FUNDC2: variants seen among roughly 807,000 people sequenced by gnomAD.
FUNDC2 encodes FUN14 domain containing 2, also known as FUN14 domain-containing protein 2.
A neutral mutation model predicts 15.6 loss-of-function variants in FUNDC2; 4 were observed. That is an observed-to-expected ratio of 0.26 (90% confidence interval 0.13 to 0.59). FUNDC2 has a LOEUF of 0.59. Among genes scored for constraint, FUNDC2 ranks in the 20% least tolerant of loss-of-function variants. The pLI, the probability that FUNDC2 is intolerant of heterozygous loss-of-function variation, is 0.90. For missense variants in FUNDC2, 98 were observed against 149.7 expected (o/e 0.65, Z 1.80); for synonymous variants, 44 against 56.9 (o/e 0.77, Z 1.02).
intron 2 of FUNDC2, 146 bp from the exon 3 acceptor site, chrX:155,046,363 A>G: frequency 2.0e-6 from 1 of 506,276 alleles, no homozygotes; most frequent in Non-Finnish European, 3.6e-6. Flanking sequence ...TCCTTATGTC[A>G]TGCTCCTCTT....
In FUNDC2 at chrX:155,032,734, G is replaced by A. The variant is rs782643195; in HGVS notation, c.134-669G>A. Among the ~76,000 whole-genome samples, 9 of 112,268 alleles carry A rather than the reference G, an allele frequency of 8.0e-5. No individual in the cohort carries two copies. The East Asian group carries it at 1.4e-3, about 17-fold the overall frequency. On this transcript the variant is annotated intron_variant, in intron 1 of 4. Coordinates refer to ENST00000369498, the MANE Select transcript of FUNDC2 (RefSeq NM_023934.4). ...ATCTTCATTATCACTGGAGATCCAC[G>A]TAGTACTTAGAAAATTTGTGGATTA...
At chrX:155,044,978 G>A (rs2073858006) in intron 2 of FUNDC2, among the ~76,000 whole-genome samples, 1 of 111,852 alleles carries the variant, frequency 8.9e-6, no homozygotes, top group African/African-American at 3.2e-5. Flanking sequence ...ATCAATGGAT[G>A]AATGGATAGA....
intron 1 of FUNDC2, among the ~76,000 whole-genome samples, chrX:155,031,571 C>T (rs966173465): frequency 8.9e-6 from 1 of 112,677 alleles, no homozygotes; most frequent in Admixed American, 9.3e-5. Flanking sequence ...TTCAAGTGAT[C>T]CGTCCCCCAG....
chrX:155,056,228 A>G lies in FUNDC2; in HGVS notation c.*1556A>G, dbSNP rs1386030323. 3.6e-5 allele frequency: 4 copies of G among 112,197 alleles called. No homozygotes were observed. The highest frequency in any genetic ancestry group is 9.4e-5 in the Admixed American group (1 of 10,596). 9.2% of individuals were successfully genotyped at this position (112,197 alleles called of 1,213,427 possible). On this transcript the variant is annotated 3_prime_UTR_variant, in exon 5 of 5. Transcript: ENST00000369498. ...CCTGTGTATCTATCACTCACTCACA[A>G]CAATCATCAAATTATAGCTCTGCTG...
intron 3 of FUNDC2, chrX:155,047,094 A>G (rs2073865186): frequency 4.2e-6 from 1 of 239,045 alleles, no homozygotes. Context: ...AAGACTTGAA[A>G]AAGGGAGCAG....
At chrX:155,047,009 G>A in intron 3 of FUNDC2, 1 of 212,350 alleles carries the variant, frequency 4.7e-6, no homozygotes, top group Non-Finnish European at 8.8e-6. Context: ...GATGTCGTCT[G>A]CTGTCTCCTT....
chrX:155,051,490 G>A (rs937350584), intron 3 of FUNDC2, 180 bp from the exon 4 acceptor site: 16 of 444,673 alleles, frequency 3.6e-5, no homozygotes, highest in Non-Finnish European at 6.3e-5. Context: ...CCAGGCATAT[G>A]GCTTCGCATA....
chrX:155,041,609 G>A, intron 2 of FUNDC2, among the ~76,000 whole-genome samples: 1 of 110,530 alleles, frequency 9.0e-6, no homozygotes, highest in Middle Eastern at 4.7e-3. Context: ...AGATCACTTA[G>A]TGTAGAATTC....
intron 3 of FUNDC2, chrX:155,050,577 C>A (rs781966167): frequency 2.7e-5 from 3 of 112,072 alleles, no homozygotes; most frequent in Non-Finnish European, 5.6e-5. Context: ...GTAATTTGTT[C>A]TTTTTAGTAC....
At chrX:155,032,432 AC>A (rs2073818782) in intron 1 of FUNDC2, among the ~76,000 whole-genome samples, 1 of 104,677 alleles carries the variant, frequency 9.6e-6, no homozygotes, top group African/African-American at 3.5e-5. Context: ...ATGTGCCACC[AC>A]CCCCGGCTAA....
chrX:155,051,684 T>G lies in FUNDC2; in HGVS notation c.375T>G (p.Thr125=), dbSNP rs1557290503. ...TGATACTGTAGCTTGCAAACCATACTGGGTACATCAAAGTTGACTGGCAAC... is the reference window on the plus strand; with the variant it reads ...TGATACTGTAGCTTGCAAACCATACGGGGTACATCAAAGTTGACTGGCAAC... ...GFFLLQLANH[T]GYIKVDWQRV... is the part of the protein sequence containing the mutation. The change falls in exon 4 of 5, where the codon ACT becomes ACG. Residue 125 remains threonine (T), a synonymous_variant. Coordinates refer to ENST00000369498, the MANE Select transcript of FUNDC2 (RefSeq NM_023934.4). 9.9e-6 allele frequency: 12 copies of G among 1,210,771 alleles called. No individual in the cohort carries two copies. The highest frequency in any genetic ancestry group is 1.3e-5 in the Non-Finnish European group (12 of 894,500).
intron 1 of FUNDC2, among the ~76,000 whole-genome samples, chrX:155,029,802 A>G (rs1480295893): frequency 1.8e-5 from 2 of 110,246 alleles, no homozygotes; most frequent in Non-Finnish European, 3.8e-5. Context: ...TTTAATTGAG[A>G]TTGTATTGAA....
chrX:155,040,658 AT>A (rs1557289484), intron 2 of FUNDC2, among the ~76,000 whole-genome samples: 1 of 111,586 alleles, frequency 9.0e-6, no homozygotes, highest in Non-Finnish European at 1.9e-5. Flanking sequence ...GGGTATAAGT[AT>A]TTTTTCAATA....
At chrX:155,040,160 TA>T (rs1557289425) in intron 2 of FUNDC2, among the ~76,000 whole-genome samples, 2 of 112,230 alleles carry the variant, frequency 1.8e-5, no homozygotes, top group African/African-American at 6.5e-5. Context: ...TATTTAATCG[TA>T]CATATATAAC....
In FUNDC2 at chrX:155,038,867, G is replaced by A. The variant is rs143474806; in HGVS notation, c.284+5314G>A. Reference sequence around the variant, plus strand: ...ATCCTTTGGCTGTATACCCAGTAGTGTGATTGCTGAATCATATGTTATTAG... The same window carrying A: ...ATCCTTTGGCTGTATACCCAGTAGTATGATTGCTGAATCATATGTTATTAG... On this transcript the variant is annotated intron_variant, in intron 2 of 4. Coordinates refer to ENST00000369498, the MANE Select transcript of FUNDC2 (RefSeq NM_023934.4). 1.9e-3 allele frequency among the ~76,000 whole-genome samples: 209 copies of A among 112,333 alleles called. 1 individual carries two copies. Among genetic ancestry groups the A allele is most frequent in the Middle Eastern group, 0.019 (4 of 215 alleles).
Position 155,059,629 on chromosome X carries a change from GTTAAA to G in FUNDC2, c.*4962_*4966del, listed in dbSNP as rs1557291430. 1.8e-5 allele frequency: 2 copies of G among 111,641 alleles called. No individual in the cohort carries two copies. Among genetic ancestry groups the G allele is most frequent in the Non-Finnish European group, 3.8e-5 (2 of 53,103 alleles). The allele number at this position is 111,641 out of a possible 1,213,427, so 9.2% of individuals were successfully genotyped here. A position where few individuals can be genotyped will look rare whatever the true frequency, so the allele number is the denominator to read the frequency against. On this transcript the variant is annotated 3_prime_UTR_variant, in exon 5 of 5. Transcript: ENST00000369498. Reference sequence around the variant, plus strand: ...ATAATAATACCTAAGAATAAGAAGAGTTAAATTAATGTCTTCAAATGGATTTGTTG... The same window carrying G: ...ATAATAATACCTAAGAATAAGAAGAGTTAATGTCTTCAAATGGATTTGTTG...
rs192805515 is a variant in FUNDC2, at chrX:155,034,541, C to G, written c.284+988C>G. On this transcript the variant is annotated intron_variant, in intron 2 of 4. Transcript: ENST00000369498. The stretch of plus-strand genomic sequence containing the variant: ...CTGTAGGGTCTGTACCTAGAAATTG[C>G]TAGGTAATGGGTATAGGTATCTTCA... Among the ~76,000 whole-genome samples the G allele has an allele frequency of 3.9e-3, 439 of 111,581 alleles. 1 individual carries two copies. The highest frequency in any genetic ancestry group is 0.014 in the Middle Eastern group (3 of 217).
Position 155,042,374 on chromosome X carries a change from A to G in FUNDC2, c.285-4135A>G, listed in dbSNP as rs1243894830. Among the ~76,000 whole-genome samples, 3 of 107,406 alleles carry G rather than the reference A, an allele frequency of 2.8e-5. No homozygotes were observed. In the South Asian group the frequency reaches 1.3e-3, roughly 45 times the overall value. 93.3% of individuals were successfully genotyped at this position (107,406 alleles called of 115,157 possible). A position where few individuals can be genotyped will look rare whatever the true frequency, so the allele number is the denominator to read the frequency against. The stretch of plus-strand genomic sequence containing the variant: ...GCTAATTTTTGTATTTTTAGTAGAG[A>G]TGGGGTTTCACCATGTTGGCCAGGC... On this transcript the variant is annotated intron_variant, in intron 2 of 4. Coordinates refer to ENST00000369498, the MANE Select transcript of FUNDC2 (RefSeq NM_023934.4).
Position 155,026,876 on chromosome X carries a change from C to G in FUNDC2, c.-63C>G. ...CACGCTGAGCTCTGTGATGTAGCCG[C>G]TTGCGGAGACTGCAAGCAGCCGCGG... is the stretch of plus-strand genomic sequence containing the variant. On this transcript the variant is annotated 5_prime_UTR_variant, in exon 1 of 5. Coordinates refer to ENST00000369498, the MANE Select transcript of FUNDC2 (RefSeq NM_023934.4). 8.6e-7 allele frequency: 1 copy of G among 1,157,787 alleles called. No homozygotes were observed. The highest frequency in any genetic ancestry group is 1.1e-6 in the Non-Finnish European group (1 of 870,021).
Sources: allele counts gnomAD v4.1 joint callset (sites outside exome capture counted in the v4.1 genomes callset), GRCh38; gene constraint gnomAD v4.1.1; transcripts MANE v1.5; gene names NCBI Gene and HGNC (gene_info 2026-07-23, HGNC 2026-07-21).